The following ZNF143 variants were observed in gnomAD, a reference collection of about 807,000 sequenced individuals.
The protein encoded by ZNF143 is SPH-binding factor.
ZNF143 carries 49 observed loss-of-function variants against 74.1 expected under a neutral mutation model. The observed-to-expected ratio is 0.66, with a 90% CI of 0.53 to 0.84. The LOEUF is 0.84. Ranked by LOEUF, ZNF143 falls within the 40% of genes least tolerant of loss-of-function variation. The pLI is 0.00. For missense variants in ZNF143, 637 were observed against 793.4 expected (o/e 0.80, Z 2.37); for synonymous variants, 304 against 282.8 (o/e 1.07, Z -0.75).
At chr11:9,526,309 G>A (rs1849123883) in intron 15 of ZNF143, among the ~76,000 whole-genome samples, 1 of 151,808 alleles carries the variant, frequency 6.6e-6, no homozygotes. Context: ...AGCCAAGATC[G>A]CACCACTGTA....
intron 7 of ZNF143, among the ~76,000 whole-genome samples, chr11:9,484,134 C>A (rs1432876933): frequency 6.6e-6 from 1 of 151,492 alleles, no homozygotes. Context: ...TTCATGACTT[C>A]ACCATTCTCT....
intron 13 of ZNF143, among the ~76,000 whole-genome samples, chr11:9,515,066 T>C (rs1233429346): frequency 6.6e-6 from 1 of 151,618 alleles, no homozygotes; most frequent in Non-Finnish European, 1.5e-5. Flanking sequence ...AAGCAGAGGT[T>C]GCGGTGAGCC....
At chr11:9,476,746 C>CTTTTTTTT (rs869069237) in intron 5 of ZNF143, among the ~76,000 whole-genome samples, 1,002 of 34,854 alleles carry the variant, frequency 0.029, 324 homozygotes, top group Non-Finnish European at 0.039. Flanking sequence ...AGGGAGGAAT[C>CTTTTTTTT]TTTTTTTTTT....
At chr11:9,506,839 G>T (rs559623999) in intron 11 of ZNF143, among the ~76,000 whole-genome samples, 3 of 151,718 alleles carry the variant, frequency 2.0e-5, no homozygotes, top group Non-Finnish European at 4.4e-5. Context: ...TGCAAGGCTC[G>T]TCAGATGACC....
chr11:9,515,323 G>A (rs2134201659), intron 13 of ZNF143, among the ~76,000 whole-genome samples: 1 of 152,030 alleles, frequency 6.6e-6, no homozygotes, highest in East Asian at 1.9e-4. Context: ...ATCTAAATTA[G>A]CAACAGGAAT....
chr11:9,491,497 G>A (rs978924293), intron 7 of ZNF143, among the ~76,000 whole-genome samples: 8 of 151,896 alleles, frequency 5.3e-5, no homozygotes, highest in African/African-American at 1.2e-4. Context: ...AAATTAGCCC[G>A]GCATGGTGGC....
chr11:9,495,673 A>G (rs1429094699), intron 8 of ZNF143, among the ~76,000 whole-genome samples: 2 of 152,200 alleles, frequency 1.3e-5, no homozygotes, highest in African/African-American at 4.8e-5. Flanking sequence ...CTCATCTATA[A>G]AATTGGATCC....
intron 12 of ZNF143, among the ~76,000 whole-genome samples, chr11:9,510,132 T>A (rs1324167680): frequency 4.0e-5 from 6 of 151,514 alleles, no homozygotes; most frequent in Non-Finnish European, 1.5e-5. Context: ...TTTTTTTTTT[T>A]TTTTATTTTT....
chr11:9,520,923 A>G (rs1336076681), intron 14 of ZNF143, among the ~76,000 whole-genome samples: 1 of 152,226 alleles, frequency 6.6e-6, no homozygotes, highest in African/African-American at 2.4e-5. Flanking sequence ...TAAAAAAGCT[A>G]ATATATCACT....
At chr11:9,469,215 C>CTTTTTTTTTTT in intron 1 of ZNF143, among the ~76,000 whole-genome samples, 1 of 97,464 alleles carries the variant, frequency 1.0e-5, no homozygotes, top group Non-Finnish European at 2.0e-5. Context: ...CAGCAGGGGT[C>CTTTTTTTTTTT]TTTTTTTTTT....
chr11:9,525,278 T>A lies in ZNF143; in HGVS notation c.1725T>A (p.Thr575=). Residue 575 remains threonine, a synonymous_variant, in exon 15 of 16, where the codon ACT becomes ACA. Transcript: ENST00000396602. ...CTCAAGACTTGGCAGCATTCCATAC[T>A]GCCTCATCAGAAATGGGGCACCAGC... ...IVAQDLAAFH[T]ASSEMGHQQH... 1 of 1,614,240 alleles carries A rather than the reference T, an allele frequency of 6.2e-7. No individual in the cohort carries two copies. The highest frequency in any genetic ancestry group is 8.5e-7 in the Non-Finnish European group (1 of 1,180,048).
At position 9,527,583 on chromosome 11, in the gene ZNF143, A is replaced by G. The variant is rs1849174629; in HGVS notation, c.1887A>G (p.Gln629=). ...EEAIRIASRI[Q]QGETPGLDD is the part of the protein sequence containing the mutation. ...CCATCAGAATAGCGTCTAGAATCCA[A>G]CAAGGAGAAACGCCAGGGTTGGATG... The change falls in exon 16 of 16, where the codon CAA becomes CAG. Residue 629 remains glutamine, a synonymous_variant. Transcript: ENST00000396602. 1 of 1,614,164 alleles carries G rather than the reference A, an allele frequency of 6.2e-7. No individual in the cohort carries two copies.
Position 9,490,199 on chromosome 11 carries a change from TA to T in ZNF143, c.646-4441del, listed in dbSNP as rs1442834820. Among the ~76,000 whole-genome samples, 10 of 142,050 alleles carry T rather than the reference TA, an allele frequency of 7.0e-5. No individual in the cohort carries two copies. The East Asian group carries it at 2.1e-3, about 29-fold the overall frequency. The allele number at this position is 142,050 out of a possible 152,430, so 93.2% of individuals were successfully genotyped here. The stretch of plus-strand genomic sequence containing the variant: ...ACCCTGTCTCTAAATTAAATAAAAA[TA>T]AAAAATACTGAATGGAAGTAGACCA... On this transcript the variant is annotated intron_variant, in intron 7 of 15. Coordinates refer to ENST00000396602, the MANE Select transcript of ZNF143 (RefSeq NM_003442.6).
chr11:9,483,998 T>G (rs544503533), intron 7 of ZNF143, among the ~76,000 whole-genome samples: 3 of 151,442 alleles, frequency 2.0e-5, no homozygotes, highest in African/African-American at 7.4e-5. Flanking sequence ...TCCGCCCGCC[T>G]CAGCCTCCCA....
At chr11:9,468,031 A>G (rs1856351903) in intron 1 of ZNF143, among the ~76,000 whole-genome samples, 1 of 152,122 alleles carries the variant, frequency 6.6e-6, no homozygotes, top group Non-Finnish European at 1.5e-5. Flanking sequence ...TTGAAATAAC[A>G]TGCTTTTTAA....
In ZNF143 at chr11:9,501,281, C is replaced by T; in HGVS notation, c.1147+11C>T. ...TGAGGATACACACAGGTAACAATCT[C>T]TGATCTTTTGGTCTTTTATCTTTCA... On this transcript the variant is annotated intron_variant, in intron 11 of 15. Coordinates refer to ENST00000396602, the MANE Select transcript of ZNF143 (RefSeq NM_003442.6). The T allele has an allele frequency of 6.2e-7, 1 of 1,610,640 alleles. No homozygotes were observed. The highest frequency in any genetic ancestry group is 8.5e-7 in the Non-Finnish European group (1 of 1,178,056).
At chr11:9,488,453 T>C (rs1847645917) in intron 7 of ZNF143, among the ~76,000 whole-genome samples, 1 of 152,166 alleles carries the variant, frequency 6.6e-6, no homozygotes, top group African/African-American at 2.4e-5. Context: ...AATACTCTCA[T>C]GTTGTTTCCA....
At chr11:9,475,812 G>A (rs534252103) in intron 5 of ZNF143, among the ~76,000 whole-genome samples, 1 of 151,964 alleles carries the variant, frequency 6.6e-6, no homozygotes, top group Middle Eastern at 3.4e-3. Context: ...CAGGAGAATC[G>A]CTTGAACCCA....
chr11:9,481,234 C>G (rs959241282), intron 7 of ZNF143, among the ~76,000 whole-genome samples: 1 of 151,976 alleles, frequency 6.6e-6, no homozygotes, highest in Non-Finnish European at 1.5e-5. Flanking sequence ...CAAAAAATTA[C>G]AAAATTAGCA....
Sources: allele counts gnomAD v4.1 joint callset (sites outside exome capture counted in the v4.1 genomes callset), GRCh38; gene constraint gnomAD v4.1.1; transcripts MANE v1.5; gene names NCBI Gene and HGNC (gene_info 2026-07-23, HGNC 2026-07-21).